PCDHA1: variants seen among roughly 807,000 people sequenced by gnomAD.
PCDHA1 encodes protocadherin alpha 1.
A neutral mutation model predicts 61.3 loss-of-function variants in PCDHA1; 42 were observed. The observed-to-expected ratio is 0.69, with a 90% CI of 0.54 to 0.89. The LOEUF (loss-of-function observed/expected upper bound fraction) is 0.89. Among genes scored for constraint, PCDHA1 ranks in the 40% least tolerant of loss-of-function variants. The probability of loss-of-function intolerance (pLI) is 0.00; values close to 1 mark genes in which losing one functional copy is unlikely to be tolerated. For synonymous variants in PCDHA1, 610 were observed against 553.8 expected (o/e 1.10, Z -1.43); for missense variants, 1,256 against 1,235.3 (o/e 1.02, Z -0.25).
chr5:140,982,254 T>C (rs1275431812), intron 2 of PCDHA1: 9 of 774,802 alleles, frequency 1.2e-5, no homozygotes, highest in Non-Finnish European at 1.5e-5. Flanking sequence ...AGATAGAACA[T>C]GTGTGTTCCT....
At chr5:140,968,862 G>C (rs375652776) in intron 1 of PCDHA1, 3 of 1,614,126 alleles carry the variant, frequency 1.9e-6, no homozygotes, top group Middle Eastern at 1.7e-4. Context: ...AAGAGCCCTC[G>C]GACATACTCT....
rs540108731 is a variant in PCDHA1 at position 140,802,434 on chromosome 5, C to T, written c.2394+13750C>T. 3.7e-6 allele frequency: 6 copies of T among 1,614,248 alleles called. No individual in the cohort carries two copies. In the South Asian group the frequency reaches 6.6e-5, roughly 18 times the overall value. The stretch of plus-strand genomic sequence containing the variant: ...CTACTCATTGGTGCTGGACAGCCCT[C>T]TGGACCGCGAGAGCGTGTCGGCCTA... On this transcript the variant is annotated intron_variant, in intron 1 of 3. Transcript: ENST00000504120.
intron 1 of PCDHA1, chr5:140,857,507 G>A (rs782043318): frequency 1.3e-6 from 2 of 1,598,186 alleles, no homozygotes; most frequent in South Asian, 1.1e-5. Context: ...GCAGGAGAAC[G>A]CCCTGGTGTC....
rs781904646 is a variant in PCDHA1 at position 140,787,730 on chromosome 5, G to A, written c.1440G>A (p.Arg480=). ...PGCHIFTVSA[R]DADAQENALV... is the part of the protein sequence containing the mutation. ...GCCACATCTTCACGGTGTCTGCGCG[G>A]GACGCGGACGCGCAGGAGAACGCGC... is the stretch of plus-strand genomic sequence containing the variant. Residue 480 remains arginine (R), a synonymous_variant, in exon 1 of 4, where the codon CGG becomes CGA. Transcript: ENST00000504120. 6 of 1,613,500 alleles carry A rather than the reference G, an allele frequency of 3.7e-6. No homozygotes were observed. Among genetic ancestry groups the A allele is most frequent in the Admixed American group, 1.7e-5 (1 of 60,008 alleles).
chr5:140,828,216 G>T, intron 1 of PCDHA1: 5 of 1,614,022 alleles, frequency 3.1e-6, no homozygotes, highest in Non-Finnish European at 4.2e-6. Context: ...GCCAAACACG[G>T]CACCTTCGTG....
intron 1 of PCDHA1, chr5:140,810,897 T>C (rs1051194245): frequency 3.9e-5 from 6 of 152,186 alleles, no homozygotes; most frequent in African/African-American, 1.4e-4. Context: ...CAAAGATAAT[T>C]TTCTGTGGTA....
intron 1 of PCDHA1, among the ~76,000 whole-genome samples, chr5:140,949,545 T>G (rs1173643616): frequency 6.6e-6 from 1 of 151,906 alleles, no homozygotes; most frequent in Non-Finnish European, 1.5e-5. Flanking sequence ...ATCGATTTGT[T>G]GCTGGTCATA....
At chr5:141,001,261 CTT>C (rs1437571267) in intron 3 of PCDHA1, among the ~76,000 whole-genome samples, 1 of 152,062 alleles carries the variant, frequency 6.6e-6, no homozygotes, top group East Asian at 1.9e-4. Flanking sequence ...GGCGGGCACT[CTT>C]ATGAACTTTT....
intron 1 of PCDHA1, among the ~76,000 whole-genome samples, chr5:140,827,112 A>G (rs768738811): frequency 2.0e-5 from 3 of 152,224 alleles, no homozygotes; most frequent in Non-Finnish European, 4.4e-5. Context: ...TGTATAGGTG[A>G]AAGTGACAAT....
rs1228559116 is a variant in PCDHA1, at chr5:140,927,616, G to A, written c.2395-51333G>A. On this transcript the variant is annotated intron_variant, in intron 1 of 3. Coordinates refer to ENST00000504120, the MANE Select transcript of PCDHA1 (RefSeq NM_018900.4). ...TGAGCGCTCCGTATACCGCACCAAG[G>A]TTCCAGAGACTGCACCCAATGGGAC... 1.1e-5 allele frequency: 18 copies of A among 1,614,046 alleles called. No individual in the cohort carries two copies. Among genetic ancestry groups the A allele is most frequent in the Non-Finnish European group, 1.5e-5 (18 of 1,180,038 alleles).
At chr5:141,002,555 A>T (rs1349538713) in intron 3 of PCDHA1, among the ~76,000 whole-genome samples, 1 of 152,222 alleles carries the variant, frequency 6.6e-6, no homozygotes, top group African/African-American at 2.4e-5. Flanking sequence ...CCCAGGATCC[A>T]CCAGTTAGTG....
intron 1 of PCDHA1, among the ~76,000 whole-genome samples, chr5:140,903,753 A>ACTTGATGACCCATAGTCAAATGTTCAG (rs2070561730): frequency 2.0e-5 from 3 of 152,186 alleles, no homozygotes; most frequent in Non-Finnish European, 4.4e-5. Flanking sequence ...GTTTCCCTTG[A>ACTTGATGACCCATAGTCAAATGTTCAG]TTTTTGCTGA....
chr5:140,918,706 G>A (rs528090085), intron 1 of PCDHA1, among the ~76,000 whole-genome samples: 10 of 152,108 alleles, frequency 6.6e-5, no homozygotes, highest in Non-Finnish European at 1.5e-4. Context: ...AGTCATGAGG[G>A]CAGAGCCCTC....
At chr5:140,843,680 G>A (rs2150364967) in intron 1 of PCDHA1, 1 of 1,588,882 alleles carries the variant, frequency 6.3e-7, no homozygotes, top group Non-Finnish European at 8.6e-7. Context: ...TGATGTAGGC[G>A]AAGAGCAAGA....
chr5:140,946,631 T>TATATACACAC (rs57893927), intron 1 of PCDHA1, among the ~76,000 whole-genome samples: 7 of 131,846 alleles, frequency 5.3e-5, no homozygotes, highest in Non-Finnish European at 1.1e-4. Context: ...TATATATATA[T>TATATACACAC]ACAATGGAAT....
chr5:140,896,113 T>A (rs10053583), intron 1 of PCDHA1, among the ~76,000 whole-genome samples: 2,120 of 152,286 alleles, frequency 0.014, 43 homozygotes, highest in African/African-American at 0.049. Flanking sequence ...GCCTGGCCAA[T>A]GTACTGCATT....
chr5:140,882,462 G>T, intron 1 of PCDHA1: 1 of 1,614,036 alleles, frequency 6.2e-7, no homozygotes, highest in Non-Finnish European at 8.5e-7. Context: ...CGCCTGTTCC[G>T]GGTGGCGTCC....
At chr5:140,803,622 T>C (rs1003396292) in intron 1 of PCDHA1, 13 of 1,614,014 alleles carry the variant, frequency 8.1e-6, no homozygotes, top group Non-Finnish European at 1.1e-5. Context: ...CTTTCCAAAA[T>C]GTCTTTGTTT....
chr5:140,877,285 G>T lies in PCDHA1; in HGVS notation c.2394+88601G>T, dbSNP rs76220347. 4.6e-3 allele frequency: 7,403 copies of T among 1,613,898 alleles called. 23 individuals carry two copies. Among genetic ancestry groups the T allele is most frequent in the Middle Eastern group, 7.1e-3 (43 of 6,038 alleles). ...GGTGGACGCTGACTCCGGCTATAAC[G>T]CTTGGCTGTCCTACGAGTTGCAACC... On this transcript the variant is annotated intron_variant, in intron 1 of 3. Coordinates refer to ENST00000504120, the MANE Select transcript of PCDHA1 (RefSeq NM_018900.4).
Sources: allele counts gnomAD v4.1 joint callset (sites outside exome capture counted in the v4.1 genomes callset), GRCh38; gene constraint gnomAD v4.1.1; transcripts MANE v1.5; gene names NCBI Gene and HGNC (gene_info 2026-07-23, HGNC 2026-07-21).